The following RPL3 variants were observed in gnomAD, a reference collection of about 807,000 sequenced individuals.
The protein encoded by RPL3 is large ribosomal subunit protein uL3.
RPL3 carries 3 observed loss-of-function variants against 46.0 expected under a neutral mutation model. The ratio of observed to expected loss-of-function variants is 0.07; its 90% confidence interval spans 0.03 to 0.17. RPL3 has a LOEUF of 0.17. Among genes scored for constraint, RPL3 ranks in the 10% least tolerant of loss-of-function variants. The pLI is 1.00. For missense variants in RPL3, 387 were observed against 532.7 expected (o/e 0.73, Z 2.69); for synonymous variants, 224 against 190.8 (o/e 1.17, Z -1.43).
chr22:39,316,664 T>C (rs376571852), intron 4 of RPL3, 42 bp downstream of exon 4: 1 of 1,611,308 alleles, frequency 6.2e-7, no homozygotes, highest in Admixed American at 1.7e-5. Context: ...AGGTCACTTC[T>C]ACTAAGTGGC....
chr22:39,314,877 C>T (rs778489032), intron 5 of RPL3, 31 bp from the exon 6 acceptor site: 20 of 1,599,552 alleles, frequency 1.3e-5, no homozygotes, highest in South Asian at 1.2e-4. Flanking sequence ...TTCACCTCAG[C>T]GCCCAGCACC....
chr22:39,317,400 T>TG, intron 3 of RPL3, 61 bp downstream of exon 3: 1 of 1,561,918 alleles, frequency 6.4e-7, no homozygotes, highest in Non-Finnish European at 8.7e-7. Context: ...ATGCACACGC[T>TG]GCTCCCTGCT....
intron 8 of RPL3, 108 bp downstream of exon 8, chr22:39,313,526 C>T: frequency 7.8e-7 from 1 of 1,276,726 alleles, no homozygotes; most frequent in Middle Eastern, 2.6e-4. Flanking sequence ...AAAGGACTGC[C>T]AACACCCTCT....
chr22:39,314,994 A>C, intron 5 of RPL3, 148 bp from the exon 6 acceptor site: 1 of 1,150,264 alleles, frequency 8.7e-7, no homozygotes. Context: ...TCCCCTGTCA[A>C]GCTGGATAGG....
In RPL3 at chr22:39,313,617, G is replaced by A; in HGVS notation, c.1047+17C>T. ...CTCTACAAGAGCCCCCCCATGACAAGTCAGGACCTGCCTCACCTTGCGGAG... is the reference window on the plus strand; with the variant it reads ...CTCTACAAGAGCCCCCCCATGACAAATCAGGACCTGCCTCACCTTGCGGAG... On this transcript the variant is annotated intron_variant, in intron 8 of 9. Coordinates refer to ENST00000216146, the MANE Select transcript of RPL3 (RefSeq NM_000967.4). The A allele has an allele frequency of 1.9e-6, 3 of 1,611,526 alleles. No homozygotes were observed. The highest frequency in any genetic ancestry group is 1.7e-6 in the Non-Finnish European group (2 of 1,178,630).
intron 6 of RPL3, 168 bp from the exon 7 acceptor site, chr22:39,314,376 T>C (rs1922548945): frequency 4.5e-6 from 3 of 663,786 alleles, no homozygotes; most frequent in African/African-American, 3.6e-5. Context: ...GGTTCCTTTC[T>C]GTAAGGCGGC....
At chr22:39,313,999 T>G in intron 7 of RPL3, 108 bp downstream of exon 7, 1 of 925,754 alleles carries the variant, frequency 1.1e-6, no homozygotes, top group South Asian at 1.3e-5. Flanking sequence ...CAGCTAGGTG[T>G]TGTGTTGGCT....
intron 4 of RPL3, 76 bp downstream of exon 4, chr22:39,316,630 G>C: frequency 6.3e-7 from 1 of 1,590,116 alleles, no homozygotes; most frequent in Non-Finnish European, 8.6e-7. Context: ...TAAGCGTGCG[G>C]GCACGGGACC....
At chr22:39,318,328 C>G in intron 2 of RPL3, 72 bp downstream of exon 2, 1 of 1,540,758 alleles carries the variant, frequency 6.5e-7, no homozygotes, top group Non-Finnish European at 8.8e-7. Flanking sequence ...CTGCTAACAG[C>G]TTGACTCCAT....
intron 6 of RPL3, 47 bp from the exon 7 acceptor site, chr22:39,314,255 A>T: frequency 6.6e-7 from 1 of 1,511,642 alleles, no homozygotes. Flanking sequence ...GGGACAAATA[A>T]CCCAGACATG....
intron 1 of RPL3, chr22:39,319,101 T>C (rs1922889027): frequency 3.7e-6 from 2 of 538,086 alleles, no homozygotes; most frequent in Admixed American, 1.9e-5. Context: ...CGTCAATAAG[T>C]TCATCATCTG....
rs1468133689 is a variant in RPL3, at chr22:39,314,740, A to G, written c.795T>C (p.Ser265=). The G allele has an allele frequency of 1.9e-6, 3 of 1,613,478 alleles. No homozygotes were observed. Among genetic ancestry groups the G allele is most frequent in the Non-Finnish European group, 2.5e-6 (3 of 1,179,994 alleles). Reference sequence around the variant, plus strand: ...AGCCTTTCTGCCCAGCGCGTGCCACAGAGAAGGCTACACGAGCAGGATGCC... The same window carrying G: ...AGCCTTTCTGCCCAGCGCGTGCCACGGAGAAGGCTACACGAGCAGGATGCC... The part of the protein sequence containing the change: ...GAWHPARVAF[S]VARAGQKGYH... Residue 265 remains serine (S), a synonymous_variant, in exon 6 of 10, where the codon TCT becomes TCC. Coordinates refer to ENST00000216146, the MANE Select transcript of RPL3 (RefSeq NM_000967.4).
At chr22:39,313,843 A>G (rs777082142) in intron 7 of RPL3, 114 bp from the exon 8 acceptor site, 2 of 1,027,690 alleles carry the variant, frequency 1.9e-6, no homozygotes, top group South Asian at 2.5e-5. Context: ...GAAGGCAACA[A>G]GGAACGGTTC....
chr22:39,316,821 G>C lies in RPL3; in HGVS notation c.386C>G (p.Ala129Gly). The change falls in exon 4 of 10, where the codon GCC (alanine) becomes GGC (glycine). Residue 129 changes from alanine to glycine, a missense_variant. By Grantham distance (60) the Ala-to-Gly change is moderately conservative. Transcript: ENST00000216146. ...CCATTTCTTGCAGTACTTGGTAAAGGCCTTCTTCTTAGATTTATGCCTTCA... is the reference window on the plus strand; with the variant it reads ...CCATTTCTTGCAGTACTTGGTAAAGCCCTTCTTCTTAGATTTATGCCTTCA... Reference protein sequence around the residue: ...YKNWHKSKKKAFTKYCKKWQD... With the variant: ...YKNWHKSKKKGFTKYCKKWQD... The C allele has an allele frequency of 6.2e-7, 1 of 1,614,034 alleles. No individual in the cohort carries two copies. Among genetic ancestry groups the C allele is most frequent in the East Asian group, 2.2e-5 (1 of 44,880 alleles).
At position 39,314,863 on chromosome 22, in the gene RPL3, T is replaced by C. The variant is rs1922578851; in HGVS notation, c.689-17A>G. 1 of 1,607,154 alleles carries C rather than the reference T, an allele frequency of 6.2e-7. No individual in the cohort carries two copies. Among genetic ancestry groups the C allele is most frequent in the Non-Finnish European group, 8.5e-7 (1 of 1,174,798 alleles). Reference sequence around the variant, plus strand: ...TGGTGACCCCTGGAATGGATACACATTACTTCACCTCAGCGCCCAGCACCT... The same window carrying C: ...TGGTGACCCCTGGAATGGATACACACTACTTCACCTCAGCGCCCAGCACCT... On this transcript the variant is annotated splice_polypyrimidine_tract_variant and intron_variant, in intron 5 of 9. Transcript: ENST00000216146.
chr22:39,317,499 G>A lies in RPL3; in HGVS notation c.327C>T (p.His109=). ...LRTFKTVFAE[H]ISDECKRRFY... ...AACGCCTCTTGCATTCATCACTGAT[G>A]TGCTCAGCAAAGACAGTCTTGAAGG... The change falls in exon 3 of 10, where the codon CAC becomes CAT. Residue 109 remains histidine, a synonymous_variant. Coordinates refer to ENST00000216146, the MANE Select transcript of RPL3 (RefSeq NM_000967.4). 3 of 1,613,986 alleles carry A rather than the reference G, an allele frequency of 1.9e-6. No individual in the cohort carries two copies. Among genetic ancestry groups the A allele is most frequent in the Non-Finnish European group, 2.5e-6 (3 of 1,179,872 alleles).
At chr22:39,316,243 A>AAT in intron 4 of RPL3, among the ~76,000 whole-genome samples, 2 of 149,950 alleles carry the variant, frequency 1.3e-5, no homozygotes, top group Admixed American at 1.4e-4. Context: ...CTGTCTCTAA[A>AAT]AAAAAAAAAA....
rs1266337271 is a variant in RPL3, at chr22:39,318,487, G to C, written c.109C>G (p.Pro37Ala). 8 of 1,613,980 alleles carry C rather than the reference G, an allele frequency of 5.0e-6. No individual in the cohort carries two copies. Among genetic ancestry groups the C allele is most frequent in the Non-Finnish European group, 6.8e-6 (8 of 1,179,954 alleles). The change falls in exon 2 of 10, where the codon CCG becomes GCG. Residue 37 changes from proline to alanine, a missense_variant. By Grantham distance (27) the Pro-to-Ala change is conservative. Around this residue, in one of 5 missense-constraint regions of RPL3, gnomAD observed 196 missense variants for 217.5 expected, o/e 0.90. Coordinates refer to ENST00000216146, the MANE Select transcript of RPL3 (RefSeq NM_000967.4). ...GKVKSFPKDDPSKPVHLTAFL... is the reference protein window; with the variant it reads ...GKVKSFPKDDASKPVHLTAFL... The stretch of plus-strand genomic sequence containing the variant: ...GCTGTGAGGTGGACCGGCTTGGACG[G>C]GTCATCCTTAGGGAAGCTCTTCACC...
At chr22:39,318,152 G>A (rs930417114) in intron 2 of RPL3, 2 of 478,650 alleles carry the variant, frequency 4.2e-6, no homozygotes, top group Non-Finnish European at 7.4e-6. Flanking sequence ...AAGGTTCCTG[G>A]CAAATTTACT....
Sources: gnomAD v4.1 joint callset for allele counts (sites outside exome capture counted in the v4.1 genomes callset) on GRCh38, gnomAD v4.1.1 for gene constraint, gnomAD v4.1.1 regional missense constraint, MANE v1.5 for transcripts, NCBI Gene and HGNC (gene_info 2026-07-23, HGNC 2026-07-21) for gene names.